Variants in SERGEF observed in about 807,000 individuals in gnomAD.
The protein encoded by SERGEF is secretion regulating guanine nucleotide exchange factor.
In SERGEF, 51 loss-of-function variants were observed where a neutral mutation model predicts 50.0. The ratio of observed to expected loss-of-function variants is 1.02; its 90% CI spans 0.81 to 1.29. The LOEUF is 1.29. SERGEF is among the 50% of genes most tolerant of loss of function. The pLI is 0.00. For missense variants in SERGEF, 521 were observed against 557.0 expected, an observed-to-expected ratio of 0.94 and a Z score of 0.65; for synonymous variants, 205 against 212.4, an observed-to-expected ratio of 0.97 and a Z score of 0.30.
intron 9 of SERGEF, among the ~76,000 whole-genome samples, chr11:17,922,434 G>T (rs138803880): frequency 6.6e-6 from 1 of 152,198 alleles, no homozygotes; most frequent in Non-Finnish European, 1.5e-5. Context: ...TCAGAACAAG[G>T]AAGAGAAAGT....
At chr11:17,996,473 C>T (rs552536708) in intron 5 of SERGEF, among the ~76,000 whole-genome samples, 1 of 152,318 alleles carries the variant, frequency 6.6e-6, no homozygotes, top group African/African-American at 2.4e-5. Context: ...TTTATGACTG[C>T]AAGATAGCTT....
In SERGEF at chr11:17,861,042, A is replaced by G. The variant is rs2237933; in HGVS notation, c.1048+17166T>C. ...GCAGTGAGGGAAAGGGCCATTTCCTATGTCCTCTCACTTCATCCACAAGGC... is the reference window on the plus strand; with the variant it reads ...GCAGTGAGGGAAAGGGCCATTTCCTGTGTCCTCTCACTTCATCCACAAGGC... On this transcript the variant is annotated intron_variant, in intron 10 of 10. Transcript: ENST00000265965. Among the ~76,000 whole-genome samples, 2,718 of 152,240 alleles carry G rather than the reference A, an allele frequency of 0.018. 185 individuals carry two copies. In the East Asian group the frequency reaches 0.23, roughly 13 times the overall value.
chr11:17,799,217 C>A (rs1849621048), intron 10 of SERGEF, among the ~76,000 whole-genome samples: 1 of 152,156 alleles, frequency 6.6e-6, no homozygotes, highest in African/African-American at 2.4e-5. Flanking sequence ...ATGAAGGGCC[C>A]ACCAAGATGC....
chr11:17,879,470 A>G (rs748574224), intron 9 of SERGEF, among the ~76,000 whole-genome samples: 57 of 152,314 alleles, frequency 3.7e-4, no homozygotes, highest in Middle Eastern at 3.4e-3. Flanking sequence ...AGGGAGAAAT[A>G]ACTTACTTAC....
intron 9 of SERGEF, among the ~76,000 whole-genome samples, chr11:17,937,858 A>T (rs1409220416): frequency 6.6e-6 from 1 of 152,128 alleles, no homozygotes; most frequent in Non-Finnish European, 1.5e-5. Flanking sequence ...CTGGAATTCT[A>T]CAGCCCCCTG....
At chr11:17,892,362 T>G (rs1206461903) in intron 9 of SERGEF, among the ~76,000 whole-genome samples, 1 of 152,192 alleles carries the variant, frequency 6.6e-6, no homozygotes, top group Non-Finnish European at 1.5e-5. Flanking sequence ...TGCTCATTTT[T>G]GCCTTCTGCC....
chr11:17,794,705 C>T (rs535047892), intron 10 of SERGEF, among the ~76,000 whole-genome samples: 35 of 152,310 alleles, frequency 2.3e-4, no homozygotes, highest in Admixed American at 1.4e-3. Context: ...AGAGAGATGA[C>T]GTGAACTGTG....
chr11:17,959,378 A>G (rs1195956250), intron 9 of SERGEF, 92 bp downstream of exon 9: 2 of 1,197,358 alleles, frequency 1.7e-6, no homozygotes, highest in South Asian at 1.5e-5. Context: ...GTACCTATCC[A>G]TAACGCCTGG....
chr11:17,917,936 G>C (rs1436586123), intron 9 of SERGEF, among the ~76,000 whole-genome samples: 2 of 152,164 alleles, frequency 1.3e-5, no homozygotes, highest in African/African-American at 4.8e-5. Context: ...CTGTTGTTTT[G>C]ATTATTTAAA....
chr11:17,976,994 C>T (rs1000659609), intron 8 of SERGEF, among the ~76,000 whole-genome samples: 1 of 152,210 alleles, frequency 6.6e-6, no homozygotes, highest in African/African-American at 2.4e-5. Context: ...GCTCTGTGGC[C>T]TGGGCTTCTC....
chr11:17,825,548 A>G (rs1444418413), intron 10 of SERGEF, among the ~76,000 whole-genome samples: 3 of 152,232 alleles, frequency 2.0e-5, no homozygotes, highest in Non-Finnish European at 4.4e-5. Flanking sequence ...TGTCCTGGAA[A>G]GTACCATTTT....
chr11:17,809,049 T>C (rs1288471784), intron 10 of SERGEF, among the ~76,000 whole-genome samples: 1 of 152,204 alleles, frequency 6.6e-6, no homozygotes, highest in Non-Finnish European at 1.5e-5. Context: ...TCTTACTTGG[T>C]AGATATCATA....
At chr11:17,932,055 T>C (rs2133948331) in intron 9 of SERGEF, among the ~76,000 whole-genome samples, 1 of 114,966 alleles carries the variant, frequency 8.7e-6, no homozygotes, top group Admixed American at 9.6e-5. Context: ...ATTGGTGTTT[T>C]GGAAAAAAAA....
chr11:18,012,636 A>C, intron 1 of SERGEF: 1 of 1,182,600 alleles, frequency 8.5e-7, no homozygotes. Flanking sequence ...GCTGTCTTCC[A>C]GGCGCTATTC....
intron 8 of SERGEF, among the ~76,000 whole-genome samples, chr11:17,971,989 T>A (rs1046296226): frequency 1.2e-4 from 19 of 152,208 alleles, no homozygotes; most frequent in Non-Finnish European, 2.2e-4. Flanking sequence ...TAACTGCACA[T>A]GTGGTAGAAA....
intron 10 of SERGEF, among the ~76,000 whole-genome samples, chr11:17,869,224 C>T (rs2133890178): frequency 6.6e-6 from 1 of 152,230 alleles, no homozygotes; most frequent in East Asian, 1.9e-4. Flanking sequence ...TACATTTAAT[C>T]TATAGTAAAA....
intron 9 of SERGEF, among the ~76,000 whole-genome samples, chr11:17,902,282 A>C (rs569564394): frequency 6.6e-6 from 1 of 152,300 alleles, no homozygotes; most frequent in South Asian, 2.1e-4. Flanking sequence ...TTTTAAGTTC[A>C]AAAGTTGGGA....
In SERGEF at chr11:17,884,176, G is replaced by T. The variant is rs1263412728; in HGVS notation, c.1012-5932C>A. On this transcript the variant is annotated intron_variant, in intron 9 of 10. Coordinates refer to ENST00000265965, the MANE Select transcript of SERGEF (RefSeq NM_012139.4). The surrounding 1 kb of genome is among the most constrained non-coding windows in gnomAD (Gnocchi z 4.6). ...TCTCGCCGGGTGCCAATGAGCCCGG[G>T]CGCCTTCAGGTGCTATGGCAACGAG... Among the ~76,000 whole-genome samples the T allele has an allele frequency of 6.6e-6, 1 of 152,222 alleles. No homozygotes were observed. The highest frequency in any genetic ancestry group is 6.5e-5 in the Admixed American group (1 of 15,282).
chr11:17,998,340 C>T (rs1300154692), intron 5 of SERGEF, among the ~76,000 whole-genome samples: 1 of 150,550 alleles, frequency 6.6e-6, no homozygotes, highest in Non-Finnish European at 1.5e-5. Context: ...TCGCTTGAGC[C>T]CAGAAGTTTG....
Sources: gnomAD v4.1 joint callset for allele counts (sites outside exome capture counted in the v4.1 genomes callset) on GRCh38, gnomAD v4.1.1 for gene constraint, Gnocchi (gnomAD v3.1) non-coding constraint, MANE v1.5 for transcripts, NCBI Gene and HGNC (gene_info 2026-07-23, HGNC 2026-07-21) for gene names.